The following MOCS1 variants were observed in gnomAD, a reference collection of about 807,000 sequenced individuals.
MOCS1 encodes molybdenum cofactor biosynthesis protein 1.
Under a neutral mutation model 57.6 loss-of-function variants are expected in MOCS1, and 39 were observed. The ratio of observed to expected loss-of-function variants is 0.68; its 90% CI spans 0.52 to 0.88. The LOEUF is 0.88. Among genes scored for constraint, MOCS1 ranks in the 40% least tolerant of loss-of-function variants. The pLI, the probability that MOCS1 is intolerant of heterozygous loss-of-function variation, is 0.00. For synonymous variants in MOCS1, 334 were observed against 335.7 expected, an observed-to-expected ratio of 1.00 and a Z score of 0.05; for missense variants, 795 against 831.1, an observed-to-expected ratio of 0.96 and a Z score of 0.53.
intron 6 of MOCS1, 109 bp downstream of exon 6, chr6:39,913,208 C>G (rs902276870): frequency 3.0e-6 from 3 of 1,014,864 alleles, no homozygotes; most frequent in Non-Finnish European, 4.7e-6. Context: ...CCATCATAAT[C>G]CTAGACTCAC....
intron 3 of MOCS1, among the ~76,000 whole-genome samples, chr6:39,921,775 A>AT (rs986421878): frequency 6.6e-6 from 1 of 151,992 alleles, no homozygotes; most frequent in Admixed American, 6.6e-5. Context: ...GCAATGAGTG[A>AT]TTTTTTTTCA....
chr6:39,917,666 C>A (rs1218619233), intron 3 of MOCS1, among the ~76,000 whole-genome samples: 2 of 152,016 alleles, frequency 1.3e-5, no homozygotes, highest in African/African-American at 4.8e-5. Flanking sequence ...ATAACTACTT[C>A]CCCAAATAGA....
At chr6:39,923,541 G>A (rs532545462) in intron 3 of MOCS1, among the ~76,000 whole-genome samples, 156 of 152,378 alleles carry the variant, frequency 1.0e-3, no homozygotes, top group Middle Eastern at 0.01. Flanking sequence ...GCCCATGCCC[G>A]CGGGTGCCAG....
At chr6:39,927,131 C>T (rs1768361423) in intron 2 of MOCS1, 198 bp downstream of exon 2, 2 of 601,304 alleles carry the variant, frequency 3.3e-6, no homozygotes, top group South Asian at 2.0e-5. Flanking sequence ...TAGGACACAG[C>T]TTCTATAATC....
chr6:39,916,353 C>T, intron 3 of MOCS1, 121 bp from the exon 4 acceptor site: 5 of 1,153,954 alleles, frequency 4.3e-6, no homozygotes, highest in Non-Finnish European at 6.1e-6. Context: ...TCTCTGCAGA[C>T]CTATATTAAC....
chr6:39,927,701 TG>T, intron 1 of MOCS1: 2 of 1,536,130 alleles, frequency 1.3e-6, no homozygotes, highest in Non-Finnish European at 1.7e-6. Flanking sequence ...TGATCTCTAC[TG>T]GGAAGATTTC....
In MOCS1 at chr6:39,927,933, G is replaced by A. The variant is rs547602584; in HGVS notation, c.124-478C>T. 8.5e-5 allele frequency among the ~76,000 whole-genome samples: 13 copies of A among 152,202 alleles called. No individual in the cohort carries two copies. In the South Asian group the frequency reaches 1.2e-3, roughly 15 times the overall value. ...GTACAAGTCTGATCTAGTCTGATCC[G>A]TCTCCCCCTGACCTATCGGTCCTTG... On this transcript the variant is annotated intron_variant, in intron 1 of 10. Transcript: ENST00000340692.
intron 3 of MOCS1, among the ~76,000 whole-genome samples, chr6:39,918,186 G>T (rs1019690944): frequency 3.9e-5 from 6 of 152,166 alleles, no homozygotes; most frequent in Non-Finnish European, 7.3e-5. Flanking sequence ...CAGTGCCACT[G>T]ACTACACCCT....
Position 39,904,327 on chromosome 6 carries a change from A to G in MOCS1, c.*2030T>C, listed in dbSNP as rs1766664244. The stretch of plus-strand genomic sequence containing the variant: ...GCCAGTGGCTCTGGTGCTAGATGCC[A>G]CTGTAGCCAGATCTCCAACAGTGCC... On this transcript the variant is annotated 3_prime_UTR_variant, in exon 11 of 11. Transcript: ENST00000340692. 2 of 456,702 alleles carry G rather than the reference A, an allele frequency of 4.4e-6. No individual in the cohort carries two copies. Among genetic ancestry groups the G allele is most frequent in the Non-Finnish European group, 8.8e-6 (2 of 226,968 alleles). 28.3% of individuals were successfully genotyped at this position (456,702 alleles called of 1,614,324 possible).
chr6:39,913,102 A>G (rs1767438251), intron 6 of MOCS1, 98 bp from the exon 7 acceptor site: 1 of 1,018,712 alleles, frequency 9.8e-7, no homozygotes, highest in African/African-American at 1.6e-5. Context: ...CATAGCAATC[A>G]GTTCTCCAGC....
intron 4 of MOCS1, among the ~76,000 whole-genome samples, chr6:39,915,055 C>T (rs1343752420): frequency 6.6e-6 from 1 of 152,198 alleles, no homozygotes; most frequent in Non-Finnish European, 1.5e-5. Context: ...CCTCCTAGTT[C>T]TCTCCTGCTA....
At chr6:39,927,490 C>T in intron 1 of MOCS1, 35 bp from the exon 2 acceptor site, 1 of 1,609,864 alleles carries the variant, frequency 6.2e-7, no homozygotes, top group Non-Finnish European at 8.5e-7. Context: ...GCATGGGCCC[C>T]TGCTACCGGG....
intron 5 of MOCS1, 67 bp from the exon 6 acceptor site, chr6:39,913,495 G>C: frequency 7.1e-7 from 1 of 1,410,790 alleles, no homozygotes; most frequent in African/African-American, 1.4e-5. Context: ...ATGACCCTTG[G>C]GGGCCTGGCA....
In MOCS1 at chr6:39,905,601, T is replaced by C. The variant is rs745583636; in HGVS notation, c.*756A>G. The C allele has an allele frequency of 2.1e-6, 1 of 471,014 alleles. No homozygotes were observed. Among genetic ancestry groups the C allele is most frequent in the Non-Finnish European group, 4.4e-6 (1 of 227,060 alleles). The allele number at this position is 471,014 out of a possible 1,614,324, so 29.2% of individuals were successfully genotyped here. On this transcript the variant is annotated 3_prime_UTR_variant, in exon 11 of 11. Coordinates refer to ENST00000340692, the MANE Select transcript of MOCS1 (RefSeq NM_001358530.2). ...ATCATCAACTTTTCTTTCCCTGATA[T>C]GCTCCAGAATAAAGAGGGGTGGGTG...
chr6:39,927,417 C>A lies in MOCS1; in HGVS notation c.162G>T (p.Ala54=). 1 of 1,612,412 alleles carries A rather than the reference C, an allele frequency of 6.2e-7. No individual in the cohort carries two copies. Among genetic ancestry groups the A allele is most frequent in the South Asian group, 1.1e-5 (1 of 90,984 alleles). Residue 54 remains alanine, a synonymous_variant, in exon 2 of 11, where the codon GCG becomes GCT. Transcript: ENST00000340692. The part of the protein sequence containing the change: ...SRRRQFLREH[A]APFSAFLTDS... ...CTGTGAGGAAGGCGGAGAAGGGGGC[C>A]GCATGCTCCCGCAGGAACTGCCTCC...
chr6:39,926,615 T>C (rs1161362883), intron 2 of MOCS1, among the ~76,000 whole-genome samples: 2 of 147,344 alleles, frequency 1.4e-5, no homozygotes, highest in Admixed American at 6.8e-5. Flanking sequence ...GTAAAGCATA[T>C]AGTACATCTT....
intron 3 of MOCS1, among the ~76,000 whole-genome samples, chr6:39,922,281 A>T (rs1359670481): frequency 6.6e-6 from 1 of 152,226 alleles, no homozygotes; most frequent in Non-Finnish European, 1.5e-5. Context: ...GATGCAGAAC[A>T]TTCCATCATC....
intron 4 of MOCS1, 143 bp downstream of exon 4, chr6:39,915,925 G>T: frequency 1.0e-6 from 1 of 1,003,586 alleles, no homozygotes; most frequent in Non-Finnish European, 1.5e-6. Context: ...GCAAAGATGA[G>T]GGGTGAGAAA....
chr6:39,912,051 G>A (rs576287747), intron 8 of MOCS1, among the ~76,000 whole-genome samples: 1 of 152,302 alleles, frequency 6.6e-6, no homozygotes, highest in South Asian at 2.1e-4. Context: ...CCCCACAGAA[G>A]GAAGGAAGGA....
Sources: allele counts gnomAD v4.1 joint callset (sites outside exome capture counted in the v4.1 genomes callset), GRCh38; gene constraint gnomAD v4.1.1; transcripts MANE v1.5; gene names NCBI Gene and HGNC (gene_info 2026-07-23, HGNC 2026-07-21).